TEX11: variants seen among roughly 807,000 people sequenced by gnomAD.
TEX11 encodes testis-expressed protein 11.
In TEX11, 7 loss-of-function variants were observed where a neutral mutation model predicts 84.4. That is an observed-to-expected ratio of 0.08 (90% CI 0.05 to 0.16). The LOEUF (loss-of-function observed/expected upper bound fraction) is 0.16, where lower values mean the gene tolerates loss of function less well. Among genes scored for constraint, TEX11 ranks in the 10% least tolerant of loss-of-function variants. TEX11 has a pLI of 1.00. For synonymous variants in TEX11, 264 were observed against 222.8 expected (o/e 1.18, Z -1.64); for missense variants, 551 against 660.5 (o/e 0.83, Z 1.82).
intron 20 of TEX11, among the ~76,000 whole-genome samples, chrX:70,613,301 A>T (rs1603143289): frequency 8.9e-6 from 1 of 112,061 alleles, no homozygotes; most frequent in East Asian, 2.8e-4. Flanking sequence ...TGAAGAGGGT[A>T]GGAAAGACAG....
intron 28 of TEX11, among the ~76,000 whole-genome samples, chrX:70,549,111 G>A: frequency 9.0e-6 from 1 of 111,410 alleles, no homozygotes; most frequent in Middle Eastern, 4.6e-3. Flanking sequence ...AGTCATGAAG[G>A]TCCCATTCCA....
intron 11 of TEX11, among the ~76,000 whole-genome samples, chrX:70,725,946 A>T (rs2090597072): frequency 8.9e-6 from 1 of 111,979 alleles, no homozygotes; most frequent in Non-Finnish European, 1.9e-5. Flanking sequence ...CCCTACATGA[A>T]CACCGTACTG....
chrX:70,580,696 T>A (rs2088760213), intron 25 of TEX11, among the ~76,000 whole-genome samples: 1 of 112,504 alleles, frequency 8.9e-6, no homozygotes, highest in Non-Finnish European at 1.9e-5. Flanking sequence ...TTTACTTCGG[T>A]CTGTTTTTCC....
chrX:70,767,477 T>TGTGGAGAAAAGGG (rs778185239), intron 9 of TEX11, among the ~76,000 whole-genome samples: 1 of 110,992 alleles, frequency 9.0e-6, no homozygotes, highest in Non-Finnish European at 1.9e-5. Context: ...CTGGTGAGGG[T>TGTGGAGAAAAGGG]GTGGAGAAAA....
At chrX:70,710,414 A>C (rs1195151655) in intron 13 of TEX11, among the ~76,000 whole-genome samples, 1 of 111,572 alleles carries the variant, frequency 9.0e-6, no homozygotes, top group African/African-American at 3.2e-5. Flanking sequence ...AGTGTTCAGG[A>C]CCCCTGGATC....
intron 28 of TEX11, among the ~76,000 whole-genome samples, chrX:70,551,267 G>A (rs1178338747): frequency 2.7e-5 from 3 of 110,902 alleles, no homozygotes; most frequent in Non-Finnish European, 5.7e-5. Context: ...AGGGGTGGGG[G>A]AAATGTGGAA....
At chrX:70,869,733 C>T (rs1005699743) in intron 4 of TEX11, among the ~76,000 whole-genome samples, 1 of 109,725 alleles carries the variant, frequency 9.1e-6, no homozygotes, top group African/African-American at 3.3e-5. Flanking sequence ...GTCAATATTG[C>T]ACCACTGCAC....
intron 9 of TEX11, 22 bp from the exon 10 acceptor site, chrX:70,744,241 A>AATAT (rs1556037146): frequency 7.9e-6 from 5 of 634,279 alleles, no homozygotes; most frequent in South Asian, 6.2e-5. Flanking sequence ...AAGGAAAAAA[A>AATAT]ATATATATAT....
intron 13 of TEX11, among the ~76,000 whole-genome samples, chrX:70,701,046 G>A (rs2090321921): frequency 8.9e-6 from 1 of 111,821 alleles, no homozygotes; most frequent in South Asian, 3.7e-4. Flanking sequence ...AAGGAAAGAA[G>A]CTGTCTCCGT....
intron 14 of TEX11, among the ~76,000 whole-genome samples, chrX:70,679,209 G>C (rs376739454): frequency 2.8e-4 from 32 of 112,618 alleles, no homozygotes; most frequent in African/African-American, 9.0e-4. Context: ...CTGAGGTGCC[G>C]GGATTGCAGA....
chrX:70,564,879 C>T (rs1335694091), intron 25 of TEX11, among the ~76,000 whole-genome samples: 1 of 110,215 alleles, frequency 9.1e-6, no homozygotes, highest in African/African-American at 3.3e-5. Flanking sequence ...GTGCATGTGT[C>T]TTTATAGCAG....
intron 13 of TEX11, among the ~76,000 whole-genome samples, chrX:70,690,658 A>G (rs913976303): frequency 7.2e-5 from 8 of 111,564 alleles, no homozygotes; most frequent in Non-Finnish European, 1.1e-4. Flanking sequence ...GTGAGCTACA[A>G]TTGCACTCCA....
the TEX11 span, among the ~76,000 whole-genome samples, chrX:70,520,945 G>C: frequency 1.8e-5 from 2 of 112,449 alleles, no homozygotes; most frequent in Non-Finnish European, 3.8e-5. Flanking sequence ...TGCCGAGCCA[G>C]GCACGGGATA....
chrX:70,655,128 A>C lies in TEX11; in HGVS notation c.1381-3576T>G, dbSNP rs776147733. Among the ~76,000 whole-genome samples, 6 of 111,620 alleles carry C rather than the reference A, an allele frequency of 5.4e-5. No homozygotes were observed. In the East Asian group the frequency reaches 1.7e-3, roughly 31 times the overall value. On this transcript the variant is annotated intron_variant, in intron 16 of 29. Coordinates refer to ENST00000374333, the MANE Select transcript of TEX11 (RefSeq NM_031276.3). ...CTAAAATATATAAAGCAAAAATGAT[A>C]AAATTAAATGAAGAAATAGATCAAT...
chrX:70,721,897 G>A (rs779370844), intron 13 of TEX11, among the ~76,000 whole-genome samples: 31 of 111,679 alleles, frequency 2.8e-4, no homozygotes, highest in Non-Finnish European at 5.3e-4. Flanking sequence ...CACAAACTGG[G>A]AGGAATAGTT....
chrX:70,585,400 G>A (rs1284502674), intron 25 of TEX11, among the ~76,000 whole-genome samples: 2 of 112,139 alleles, frequency 1.8e-5, no homozygotes, highest in East Asian at 2.8e-4. Context: ...TTTATGGATT[G>A]GAAGACTTAA....
chrX:70,775,107 T>C (rs2090993405), intron 9 of TEX11, among the ~76,000 whole-genome samples: 1 of 111,893 alleles, frequency 8.9e-6, no homozygotes, highest in Non-Finnish European at 1.9e-5. Context: ...GTCTCTTCAA[T>C]AAATGGTGCT....
chrX:70,521,328 G>T, the TEX11 span, among the ~76,000 whole-genome samples: 434 of 110,173 alleles, frequency 3.9e-3, 1 homozygote, highest in African/African-American at 0.014. Flanking sequence ...TCACAGGCTG[G>T]AGTGCAGTGG....
chrX:70,680,013 T>G, intron 14 of TEX11, among the ~76,000 whole-genome samples: 1 of 76,606 alleles, frequency 1.3e-5, no homozygotes, highest in African/African-American at 4.8e-5. Flanking sequence ...GAGGGGCGCC[T>G]CTGCCCGGCC....
Sources: gnomAD v4.1 joint callset for allele counts (sites outside exome capture counted in the v4.1 genomes callset) on GRCh38, gnomAD v4.1.1 for gene constraint, MANE v1.5 for transcripts, NCBI Gene and HGNC (gene_info 2026-07-23, HGNC 2026-07-21) for gene names.